The following ZNF143 variants were observed in gnomAD, a reference collection of about 807,000 sequenced individuals.
ZNF143 encodes zinc finger protein 143.
Under a neutral mutation model 74.1 loss-of-function variants are expected in ZNF143, and 49 were observed. That is an observed-to-expected ratio of 0.66 (90% CI 0.53 to 0.84). ZNF143 has a LOEUF of 0.84. Among genes scored for constraint, ZNF143 ranks in the 40% least tolerant of loss-of-function variants. The pLI is 0.00. For synonymous variants in ZNF143, 304 were observed against 282.8 expected (o/e 1.07, Z -0.75); for missense variants, 637 against 793.4 (o/e 0.80, Z 2.37).
intron 11 of ZNF143, among the ~76,000 whole-genome samples, chr11:9,502,267 GGA>G (rs1848194356): frequency 1.6e-5 from 1 of 61,372 alleles, no homozygotes; most frequent in Admixed American, 2.0e-4. Context: ...TTTTTTTTTG[GGA>G]AACTGCTTTA....
intron 1 of ZNF143, among the ~76,000 whole-genome samples, chr11:9,467,657 C>G (rs1856320332): frequency 6.6e-6 from 1 of 151,892 alleles, no homozygotes; most frequent in Non-Finnish European, 1.5e-5. Flanking sequence ...ACCCGCCTGG[C>G]CAGCATGGTG....
chr11:9,486,414 T>TATATTATATATTATATATATA (rs1565039172), intron 7 of ZNF143, among the ~76,000 whole-genome samples: 5 of 24,028 alleles, frequency 2.1e-4, no homozygotes, highest in African/African-American at 8.3e-4. Flanking sequence ...ATATATATAA[T>TATATTATATATTATATATATA]ATATATTATA....
chr11:9,510,056 TC>T (rs1264420361), intron 12 of ZNF143, among the ~76,000 whole-genome samples: 1 of 152,198 alleles, frequency 6.6e-6, no homozygotes, highest in Non-Finnish European at 1.5e-5. Flanking sequence ...AGACTCTTTT[TC>T]TAAGCTTCCT....
At chr11:9,474,232 G>A (rs539272256) in intron 4 of ZNF143, among the ~76,000 whole-genome samples, 8 of 152,304 alleles carry the variant, frequency 5.3e-5, no homozygotes, top group Admixed American at 4.6e-4. Flanking sequence ...GCACTGTGGA[G>A]ATAAATGAGT....
At chr11:9,501,346 C>T in intron 11 of ZNF143, 76 bp downstream of exon 11, 1 of 1,505,470 alleles carries the variant, frequency 6.6e-7, no homozygotes, top group Non-Finnish European at 9.0e-7. Flanking sequence ...AAACCATTTC[C>T]AACTAATCTC....
At chr11:9,467,515 T>C (rs1417170429) in intron 1 of ZNF143, among the ~76,000 whole-genome samples, 1 of 151,766 alleles carries the variant, frequency 6.6e-6, no homozygotes, top group African/African-American at 2.4e-5. Context: ...GGATTATAGG[T>C]GTGAGCCACC....
intron 13 of ZNF143, among the ~76,000 whole-genome samples, chr11:9,515,653 C>CAA (rs57158902): frequency 1.2e-4 from 10 of 86,044 alleles, no homozygotes; most frequent in East Asian, 6.0e-4. Context: ...GACTCTGTCT[C>CAA]AAAAAAAAAA....
At chr11:9,497,199 C>T (rs1250960855) in intron 9 of ZNF143, among the ~76,000 whole-genome samples, 1 of 152,192 alleles carries the variant, frequency 6.6e-6, no homozygotes, top group Non-Finnish European at 1.5e-5. Flanking sequence ...GAATTTTCAG[C>T]ATGGCAGTCC....
In ZNF143 at chr11:9,527,664, A is replaced by G. The variant is rs1172141393; in HGVS notation, c.*51A>G. 2 of 1,559,902 alleles carry G rather than the reference A, an allele frequency of 1.3e-6. No homozygotes were observed. Among genetic ancestry groups the G allele is most frequent in the Admixed American group, 1.7e-5 (1 of 59,192 alleles). On this transcript the variant is annotated 3_prime_UTR_variant, in exon 16 of 16. Transcript: ENST00000396602. ...CAGAAGGAGTCTTTCATCTTCTGGC[A>G]GCAGAAATCCATGAAGCCCGGGCCC...
At chr11:9,472,409 G>A (rs563386493) in intron 2 of ZNF143, among the ~76,000 whole-genome samples, 6 of 152,078 alleles carry the variant, frequency 3.9e-5, no homozygotes, top group South Asian at 2.1e-4. Flanking sequence ...GCATGCCACC[G>A]CGCCCGACTA....
rs1003571319 is a variant in ZNF143 at position 9,512,399 on chromosome 11, A to C, written c.1376-49A>C. ...TAATATTTAAAATGTCCTATTTTCTAAACAAATTGGTTGGTTGGTCAAATA... is the reference window on the plus strand; with the variant it reads ...TAATATTTAAAATGTCCTATTTTCTCAACAAATTGGTTGGTTGGTCAAATA... On this transcript the variant is annotated intron_variant, in intron 12 of 15. Transcript: ENST00000396602. The C allele has an allele frequency of 8.8e-6, 14 of 1,585,720 alleles. No homozygotes were observed. The East Asian group carries it at 1.3e-4, about 15-fold the overall frequency.
rs1565039253 is a variant in ZNF143 at position 9,486,421 on chromosome 11, T to TATATATATA, written c.645+6883_645+6884insAATATATAT. On this transcript the variant is annotated intron_variant, in intron 7 of 15. Transcript: ENST00000396602. Reference sequence around the variant, plus strand: ...AATATATTATATATATAATATATATTATATATATTATATATATAATATATT... The same window carrying TATATATATA: ...AATATATTATATATATAATATATATTATATATATAATATATATTATATATATAATATATT... 4.8e-3 allele frequency among the ~76,000 whole-genome samples: 89 copies of TATATATATA among 18,524 alleles called. 3 individuals are homozygous for TATATATATA. The highest frequency in any genetic ancestry group is 0.012 in the African/African-American group (80 of 6,922). The allele number at this position is 18,524 out of a possible 152,430, so 12.2% of individuals were successfully genotyped here. A position where few individuals can be genotyped will look rare whatever the true frequency, so the allele number is the denominator to read the frequency against.
At position 9,473,975 on chromosome 11, in the gene ZNF143, G is replaced by A; in HGVS notation, c.240G>A (p.Leu80=). The stretch of plus-strand genomic sequence containing the variant: ...TCATAGATGGCCAGGTCATTCAGTT[G>A]GAAGATGGTTCTGCGGCCTATGTTC... The part of the protein sequence containing the change: ...AKLIDGQVIQ[L]EDGSAAYVQH... Residue 80 remains leucine (L), a synonymous_variant, in exon 4 of 16, where the codon TTG becomes TTA. Transcript: ENST00000396602. 1 of 1,614,056 alleles carries A rather than the reference G, an allele frequency of 6.2e-7. No homozygotes were observed. The highest frequency in any genetic ancestry group is 1.1e-5 in the South Asian group (1 of 91,084).
chr11:9,462,173 CTGTT>C (rs895357575), intron 1 of ZNF143: 19 of 150,774 alleles, frequency 1.3e-4, no homozygotes, highest in East Asian at 1.2e-3. Flanking sequence ...CGTATTTTGA[CTGTT>C]TGGAAATTTT....
intron 14 of ZNF143, among the ~76,000 whole-genome samples, chr11:9,520,025 ATTTTTTTTT>A (rs954404348): frequency 1.2e-4 from 11 of 91,382 alleles, no homozygotes; most frequent in South Asian, 1.1e-3. Flanking sequence ...GTTTCCACCA[ATTTTTTTTT>A]TTTTTTTTTT....
intron 12 of ZNF143, among the ~76,000 whole-genome samples, chr11:9,509,981 TACA>T (rs1165661091): frequency 1.3e-5 from 2 of 152,208 alleles, no homozygotes; most frequent in African/African-American, 4.8e-5. Flanking sequence ...AAGAAGATCC[TACA>T]ACAACTGCTG....
At chr11:9,525,832 G>A (rs1849105970) in intron 15 of ZNF143, among the ~76,000 whole-genome samples, 2 of 152,158 alleles carry the variant, frequency 1.3e-5, no homozygotes, top group Non-Finnish European at 2.9e-5. Context: ...CATTCTCTGG[G>A]AAGCAGAGAA....
At chr11:9,467,412 T>C (rs535530772) in intron 1 of ZNF143, among the ~76,000 whole-genome samples, 1 of 151,762 alleles carries the variant, frequency 6.6e-6, no homozygotes, top group South Asian at 2.1e-4. Context: ...TTTCTTATAT[T>C]TTTAGTAGAG....
At chr11:9,524,684 C>T (rs1849061153) in intron 14 of ZNF143, among the ~76,000 whole-genome samples, 1 of 152,142 alleles carries the variant, frequency 6.6e-6, no homozygotes, top group African/African-American at 2.4e-5. Context: ...CCTTTTAATC[C>T]TCCTGGCTAG....
Sources: allele counts gnomAD v4.1 joint callset (sites outside exome capture counted in the v4.1 genomes callset), GRCh38; gene constraint gnomAD v4.1.1; transcripts MANE v1.5; gene names NCBI Gene and HGNC (gene_info 2026-07-23, HGNC 2026-07-21).